The following LSAMP variants were observed in gnomAD, a reference collection of about 807,000 sequenced individuals.
The protein encoded by LSAMP is limbic system associated membrane protein.
Under a neutral mutation model 38.6 loss-of-function variants are expected in LSAMP, and 7 were observed. The ratio of observed to expected loss-of-function variants is 0.18; its 90% CI spans 0.10 to 0.34. The LOEUF (loss-of-function observed/expected upper bound fraction) is 0.34, where lower values mean the gene tolerates loss of function less well. Ranked by LOEUF, LSAMP falls within the 10% of genes least tolerant of loss-of-function variation. The pLI is 1.00. For missense variants in LSAMP, 313 were observed against 420.0 expected (o/e 0.75, Z 2.23); for synonymous variants, 154 against 166.8 (o/e 0.92, Z 0.59).
chr3:116,113,229 G>C (rs1417445059), intron 1 of LSAMP, among the ~76,000 whole-genome samples: 1 of 150,900 alleles, frequency 6.6e-6, no homozygotes, highest in East Asian at 1.9e-4. Context: ...TTTTTAAGTA[G>C]GAGATTTAGA....
chr3:116,229,564 C>T (rs958696011), intron 1 of LSAMP, among the ~76,000 whole-genome samples: 4 of 152,074 alleles, frequency 2.6e-5, no homozygotes, highest in African/African-American at 4.8e-5. Context: ...ACAAATGCTA[C>T]TTTTACATGA....
At chr3:115,839,463 G>A (rs1934926571) in intron 6 of LSAMP, among the ~76,000 whole-genome samples, 1 of 152,088 alleles carries the variant, frequency 6.6e-6, no homozygotes, top group South Asian at 2.1e-4. Context: ...GGTGGAGGGA[G>A]TGTCATTCCT....
chr3:116,010,094 T>C (rs904500046), intron 3 of LSAMP, among the ~76,000 whole-genome samples: 15 of 152,142 alleles, frequency 9.9e-5, no homozygotes, highest in African/African-American at 3.4e-4. Context: ...TTTTTGTACT[T>C]TTAGTAGAGA....
intron 1 of LSAMP, among the ~76,000 whole-genome samples, chr3:116,379,722 A>G (rs143606945): frequency 4.0e-4 from 61 of 152,168 alleles, no homozygotes; most frequent in Middle Eastern, 3.4e-3. Flanking sequence ...GGTGAAAACC[A>G]TAAGAATCAG....
chr3:116,174,872 T>G (rs1279108087), intron 1 of LSAMP, among the ~76,000 whole-genome samples: 1 of 152,154 alleles, frequency 6.6e-6, no homozygotes, highest in Non-Finnish European at 1.5e-5. Context: ...CATCCTTGTC[T>G]TTGAACCTGG....
At chr3:116,233,624 C>T (rs2046430404) in intron 1 of LSAMP, among the ~76,000 whole-genome samples, 1 of 151,954 alleles carries the variant, frequency 6.6e-6, no homozygotes. Context: ...TCCCCCTCTC[C>T]CTACTTCCCT....
chr3:116,209,230 G>A (rs1426041811), intron 1 of LSAMP, among the ~76,000 whole-genome samples: 1 of 152,174 alleles, frequency 6.6e-6, no homozygotes, highest in East Asian at 1.9e-4. Context: ...CACTTCCCAA[G>A]TGAGGCAATG....
intron 1 of LSAMP, among the ~76,000 whole-genome samples, chr3:116,358,255 A>G (rs1056556948): frequency 6.6e-6 from 1 of 152,238 alleles, no homozygotes; most frequent in Non-Finnish European, 1.5e-5. Context: ...CAAAAACACC[A>G]GAGCCCTCTT....
intron 1 of LSAMP, among the ~76,000 whole-genome samples, chr3:116,170,109 T>C (rs1338644234): frequency 6.6e-6 from 1 of 152,178 alleles, no homozygotes; most frequent in Non-Finnish European, 1.5e-5. Context: ...ATGCCAACAT[T>C]TTTTTAAGTT....
intron 1 of LSAMP, among the ~76,000 whole-genome samples, chr3:116,359,770 A>G (rs1028532255): frequency 3.3e-5 from 5 of 152,174 alleles, no homozygotes; most frequent in African/African-American, 1.2e-4. Context: ...ACCATTTTCT[A>G]GCCATATGCA....
At chr3:116,026,089 T>C (rs565196948) in intron 2 of LSAMP, among the ~76,000 whole-genome samples, 6 of 152,306 alleles carry the variant, frequency 3.9e-5, no homozygotes, top group African/African-American at 1.4e-4. Flanking sequence ...TGGGCCTACA[T>C]ATTTTTTTTC....
intron 1 of LSAMP, among the ~76,000 whole-genome samples, chr3:116,096,246 C>G (rs1432382478): frequency 1.3e-5 from 2 of 152,208 alleles, no homozygotes; most frequent in African/African-American, 2.4e-5. Context: ...TTGGAGTACA[C>G]AGTGAGCTCT....
At chr3:115,982,348 A>C (rs9872913) in intron 3 of LSAMP, among the ~76,000 whole-genome samples, 1 of 151,970 alleles carries the variant, frequency 6.6e-6, no homozygotes, top group Non-Finnish European at 1.5e-5. Flanking sequence ...CAAGTTCTCT[A>C]CCTAGTTTAG....
chr3:115,888,425 C>T (rs1323921343), intron 3 of LSAMP, among the ~76,000 whole-genome samples: 1 of 151,916 alleles, frequency 6.6e-6, no homozygotes, highest in African/African-American at 2.4e-5. Flanking sequence ...ACCTCTTTAA[C>T]ACCTCTCCAC....
At chr3:116,210,389 G>A (rs1290389875) in intron 1 of LSAMP, among the ~76,000 whole-genome samples, 2 of 152,190 alleles carry the variant, frequency 1.3e-5, no homozygotes, top group East Asian at 1.9e-4. Flanking sequence ...GAAGGTGGAA[G>A]AGCAGGCTTG....
chr3:116,325,497 G>A (rs1019311275), intron 1 of LSAMP, among the ~76,000 whole-genome samples: 37 of 152,056 alleles, frequency 2.4e-4, no homozygotes, highest in Admixed American at 2.6e-4. Flanking sequence ...ATTTCGATGA[G>A]GGCATACAGG....
chr3:116,123,761 C>A (rs1407110104), intron 1 of LSAMP, among the ~76,000 whole-genome samples: 1 of 152,166 alleles, frequency 6.6e-6, no homozygotes, highest in Non-Finnish European at 1.5e-5. Context: ...ACTTATACAA[C>A]CCATCTTTGG....
At chr3:116,303,890 C>T (rs185703949) in intron 1 of LSAMP, among the ~76,000 whole-genome samples, 26 of 152,226 alleles carry the variant, frequency 1.7e-4, no homozygotes, top group Non-Finnish European at 2.8e-4. Flanking sequence ...ACTGTTAAAG[C>T]AGCCAAAAGA....
At chr3:116,304,558 C>T (rs180808021) in intron 1 of LSAMP, among the ~76,000 whole-genome samples, 37 of 152,074 alleles carry the variant, frequency 2.4e-4, no homozygotes, top group African/African-American at 7.7e-4. Flanking sequence ...AGCTGGGAAG[C>T]GTGGGTCAGG....
Sources: gnomAD v4.1 joint callset for allele counts (sites outside exome capture counted in the v4.1 genomes callset) on GRCh38, gnomAD v4.1.1 for gene constraint, MANE v1.5 for transcripts, NCBI Gene and HGNC (gene_info 2026-07-23, HGNC 2026-07-21) for gene names.